The following FRMPD4 variants were observed in gnomAD, a reference collection of about 807,000 sequenced individuals.
FRMPD4 encodes the protein FERM and PDZ domain containing 4, also known as FERM and PDZ domain-containing protein 4.
FRMPD4 carries 22 observed loss-of-function variants against 94.1 expected under a neutral mutation model. The ratio of observed to expected loss-of-function variants is 0.23; its 90% CI spans 0.17 to 0.33. The LOEUF is 0.33. Among genes scored for constraint, FRMPD4 ranks in the 10% least tolerant of loss-of-function variants. The pLI is 1.00. For synonymous variants in FRMPD4, 631 were observed against 548.6 expected, an observed-to-expected ratio of 1.15 and a Z score of -2.10; for missense variants, 1,111 against 1,339.9, an observed-to-expected ratio of 0.83 and a Z score of 2.67.
chrX:12,553,192 G>GAA (rs1443643302), intron 2 of FRMPD4, among the ~76,000 whole-genome samples: 337 of 109,241 alleles, frequency 3.1e-3, no homozygotes, highest in African/African-American at 9.8e-3. Context: ...AAGAAAGAAA[G>GAA]AGAGAGAGAA....
At chrX:12,494,937 T>A (rs1263759471) in intron 1 of FRMPD4, 1 of 370,056 alleles carries the variant, frequency 2.7e-6, no homozygotes, top group African/African-American at 2.8e-5. Context: ...GCTAAGCGTT[T>A]GAAAGTGGTT....
chrX:12,189,541 A>T (rs1185459871), intron 1 of FRMPD4, among the ~76,000 whole-genome samples: 2 of 112,187 alleles, frequency 1.8e-5, no homozygotes, highest in East Asian at 5.6e-4. Flanking sequence ...GAATCAAAAA[A>T]TGTGTTAAAA....
intron 1 of FRMPD4, among the ~76,000 whole-genome samples, chrX:11,849,157 A>G (rs6530458): frequency 0.13 from 14,370 of 111,322 alleles, 1,143 homozygotes; most frequent in African/African-American, 0.28. Context: ...TTCCTGTATA[A>G]CAATGATCAA....
intron 1 of FRMPD4, among the ~76,000 whole-genome samples, chrX:12,356,566 C>A (rs1246599076): frequency 9.0e-6 from 1 of 111,381 alleles, no homozygotes; most frequent in African/African-American, 3.3e-5. Context: ...CTCCAGGGAG[C>A]AATCTCTTTT....
At chrX:11,967,758 T>TGTG (rs1569134445) in intron 3 of FRMPD4, among the ~76,000 whole-genome samples, 7 of 76,784 alleles carry the variant, frequency 9.1e-5, no homozygotes, top group African/African-American at 4.5e-4. Flanking sequence ...GTGTGTGTGT[T>TGTG]TTTTTTTTTT....
At chrX:12,546,177 CTTT>C (rs11321204) in intron 2 of FRMPD4, among the ~76,000 whole-genome samples, 2 of 91,934 alleles carry the variant, frequency 2.2e-5, no homozygotes, top group African/African-American at 3.8e-5. Context: ...TGCCAACTGT[CTTT>C]TTTTTTTTTT....
At chrX:12,217,498 G>A (rs1313718717) in intron 1 of FRMPD4, among the ~76,000 whole-genome samples, 3 of 112,225 alleles carry the variant, frequency 2.7e-5, no homozygotes, top group African/African-American at 9.7e-5. Flanking sequence ...GTAAAGAACA[G>A]TAAAAAAGCA....
chrX:12,460,992 G>T (rs374014063), intron 1 of FRMPD4, among the ~76,000 whole-genome samples: 3 of 111,587 alleles, frequency 2.7e-5, no homozygotes, highest in East Asian at 5.5e-4. Context: ...TATTGTTTGT[G>T]TATGAAAATA....
intron 1 of FRMPD4, among the ~76,000 whole-genome samples, chrX:12,275,280 A>G (rs773185226): frequency 9.1e-4 from 101 of 110,585 alleles, no homozygotes; most frequent in Non-Finnish European, 1.5e-3. Context: ...GCCACATGAC[A>G]TGCCTGCTCC....
Position 12,531,769 on chromosome X carries a change from C to A in FRMPD4, c.158+32973C>A, listed in dbSNP as rs147847331. Among the ~76,000 whole-genome samples the A allele has an allele frequency of 6.5e-3, 728 of 111,292 alleles. 4 individuals are homozygous for A. Among genetic ancestry groups the A allele is most frequent in the African/African-American group, 0.023 (693 of 30,661 alleles). Reference sequence around the variant, plus strand: ...GGTGATTTTATATTATCTATCCCTTCTCTAATGCCTCCATTTGCTCCAACT... The same window carrying A: ...GGTGATTTTATATTATCTATCCCTTATCTAATGCCTCCATTTGCTCCAACT... On this transcript the variant is annotated intron_variant, in intron 2 of 16. Coordinates refer to ENST00000675598, the MANE Select transcript of FRMPD4 (RefSeq NM_001368397.1).
At chrX:12,169,082 A>G (rs894116118) in intron 1 of FRMPD4, among the ~76,000 whole-genome samples, 2 of 112,327 alleles carry the variant, frequency 1.8e-5, no homozygotes, top group Admixed American at 9.4e-5. Context: ...CCATTATACA[A>G]ACATGTTAGG....
intron 3 of FRMPD4, among the ~76,000 whole-genome samples, chrX:12,050,339 T>A (rs1310887836): frequency 8.9e-6 from 1 of 111,900 alleles, no homozygotes; most frequent in African/African-American, 3.2e-5. Flanking sequence ...CACACATACT[T>A]AGCATTGTGC....
intron 4 of FRMPD4, among the ~76,000 whole-genome samples, chrX:12,663,874 TC>T (rs1298606370): frequency 4.4e-5 from 5 of 112,394 alleles, no homozygotes; most frequent in African/African-American, 1.6e-4. Flanking sequence ...CTCTCTTATT[TC>T]CTTGAGCAGT....
At chrX:12,107,618 C>T (rs1215286858) in intron 3 of FRMPD4, among the ~76,000 whole-genome samples, 1 of 111,859 alleles carries the variant, frequency 8.9e-6, no homozygotes, top group Non-Finnish European at 1.9e-5. Flanking sequence ...GATGATCAAA[C>T]TTCTCTGAGC....
rs2054021176 is a variant in FRMPD4 at position 11,915,720 on chromosome X, G to A, written c.95+37702G>A. Among the ~76,000 whole-genome samples, 3 of 112,331 alleles carry A rather than the reference G, an allele frequency of 2.7e-5. No individual in the cohort carries two copies. In the South Asian group the frequency reaches 1.1e-3, roughly 42 times the overall value. On this transcript the variant is annotated intron_variant, in intron 3 of 18. Transcript: ENST00000640291. Reference sequence around the variant, plus strand: ...CCATCATCACAGAATCCATTGGACAGCACTGGTGTAGAGATAGTGAACTCA... The same window carrying A: ...CCATCATCACAGAATCCATTGGACAACACTGGTGTAGAGATAGTGAACTCA...
At chrX:12,466,331 CAG>C (rs1408387394) in intron 1 of FRMPD4, among the ~76,000 whole-genome samples, 1 of 112,052 alleles carries the variant, frequency 8.9e-6, no homozygotes, top group Non-Finnish European at 1.9e-5. Flanking sequence ...CAAGAAAAAA[CAG>C]AGCTGATACA....
intron 1 of FRMPD4, among the ~76,000 whole-genome samples, chrX:12,298,358 G>A (rs944218244): frequency 8.9e-6 from 1 of 112,259 alleles, no homozygotes; most frequent in African/African-American, 3.2e-5. Flanking sequence ...CTGTTCAACT[G>A]AATATACAAG....
At chrX:11,911,944 G>A (rs748064422) in intron 3 of FRMPD4, among the ~76,000 whole-genome samples, 1 of 111,972 alleles carries the variant, frequency 8.9e-6, no homozygotes, top group Non-Finnish European at 1.9e-5. Flanking sequence ...AGGGTGCTTT[G>A]ATGGTAGCAA....
At chrX:12,409,146 G>A (rs373222203) in intron 1 of FRMPD4, among the ~76,000 whole-genome samples, 2 of 111,769 alleles carry the variant, frequency 1.8e-5, no homozygotes, top group African/African-American at 6.5e-5. Context: ...CAGAAGGCAT[G>A]TAATGGATGC....
Sources: allele counts gnomAD v4.1 joint callset (sites outside exome capture counted in the v4.1 genomes callset), GRCh38; gene constraint gnomAD v4.1.1; transcripts MANE v1.5; gene names NCBI Gene and HGNC (gene_info 2026-07-23, HGNC 2026-07-21).